Variants in LARGE1 observed in about 807,000 individuals in gnomAD.
The protein encoded by LARGE1 is xylosyl- and glucuronyltransferase LARGE1.
In LARGE1, 43 loss-of-function variants were observed where a neutral mutation model predicts 87.6. That is an observed-to-expected ratio of 0.49 (90% CI 0.38 to 0.63). LARGE1 has a LOEUF of 0.63. Ranked by LOEUF, LARGE1 falls within the 30% of genes least tolerant of loss-of-function variation. The pLI is 0.00. For missense variants in LARGE1, 802 were observed against 1,000.2 expected, an observed-to-expected ratio of 0.80 and a Z score of 2.67; for synonymous variants, 434 against 394.6, an observed-to-expected ratio of 1.10 and a Z score of -1.18.
At chr22:33,434,375 AC>A (rs1445152490) in intron 6 of LARGE1, among the ~76,000 whole-genome samples, 3 of 152,302 alleles carry the variant, frequency 2.0e-5, no homozygotes, top group South Asian at 2.1e-4. Context: ...ATCTGGGCTC[AC>A]TGCAACCTCC....
upstream of LARGE1, among the ~76,000 whole-genome samples, chr22:33,920,592 A>G (rs1183640005): frequency 7.0e-6 from 1 of 143,776 alleles, no homozygotes; most frequent in Non-Finnish European, 1.5e-5. Flanking sequence ...AGCGCCGGAA[A>G]AGGCCTCGCC....
At chr22:33,437,477 T>C (rs1390559292) in intron 6 of LARGE1, among the ~76,000 whole-genome samples, 1 of 152,220 alleles carries the variant, frequency 6.6e-6, no homozygotes, top group Non-Finnish European at 1.5e-5. Context: ...ATTTTTTTTT[T>C]CCTCTAAGCA....
chr22:33,242,437 T>A (rs1926566256), intron 11 of LARGE1, among the ~76,000 whole-genome samples: 1 of 152,234 alleles, frequency 6.6e-6, no homozygotes, highest in Non-Finnish European at 1.5e-5. Context: ...TATTGCTAGA[T>A]AGACTGAGAA....
At chr22:33,474,459 G>A (rs959882538) in intron 6 of LARGE1, among the ~76,000 whole-genome samples, 1 of 152,154 alleles carries the variant, frequency 6.6e-6, no homozygotes, top group African/African-American at 2.4e-5. Context: ...CACTGTGCCC[G>A]GCCTAGTCTG....
intron 9 of LARGE1, among the ~76,000 whole-genome samples, chr22:33,354,177 T>C (rs576556371): frequency 2.0e-5 from 3 of 152,314 alleles, no homozygotes; most frequent in South Asian, 2.1e-4. Context: ...AAAGTAAATA[T>C]TGTGCTTTCA....
At chr22:33,779,872 A>G (rs952057359) in intron 1 of LARGE1, among the ~76,000 whole-genome samples, 4 of 152,188 alleles carry the variant, frequency 2.6e-5, no homozygotes, top group African/African-American at 9.7e-5. Context: ...TCCTAATTCT[A>G]CTTTCATGGT....
chr22:33,241,053 G>T (rs1926486996), intron 11 of LARGE1, among the ~76,000 whole-genome samples: 1 of 152,116 alleles, frequency 6.6e-6, no homozygotes, highest in Admixed American at 6.6e-5. Flanking sequence ...TGGTATCAAG[G>T]CACTCCCATT....
the LARGE1 span, among the ~76,000 whole-genome samples, chr22:33,111,546 G>A: frequency 6.6e-6 from 1 of 152,154 alleles, no homozygotes; most frequent in East Asian, 1.9e-4. Flanking sequence ...CTAGCTGATT[G>A]GATTAATTTC....
At chr22:33,853,959 A>G (rs1014775237) in intron 1 of LARGE1, among the ~76,000 whole-genome samples, 2 of 152,150 alleles carry the variant, frequency 1.3e-5, no homozygotes, top group African/African-American at 4.8e-5. Context: ...TGCTCTCAGC[A>G]GGTCCCAACT....
At chr22:33,699,383 G>C (rs189267570) in intron 2 of LARGE1, among the ~76,000 whole-genome samples, 8 of 152,298 alleles carry the variant, frequency 5.3e-5, no homozygotes, top group Non-Finnish European at 7.3e-5. Context: ...ATGGTTGTGG[G>C]AAGAGGCAGG....
chr22:33,335,094 TG>T (rs1356737838), intron 10 of LARGE1, among the ~76,000 whole-genome samples: 16 of 152,336 alleles, frequency 1.1e-4, no homozygotes, highest in African/African-American at 3.4e-4. Context: ...AGGCTTTTTA[TG>T]GGAGCCTTCT....
intron 1 of LARGE1, among the ~76,000 whole-genome samples, chr22:33,869,816 C>G (rs2064221143): frequency 6.6e-6 from 1 of 152,152 alleles, no homozygotes; most frequent in African/African-American, 2.4e-5. Context: ...AATAGAAATT[C>G]AAAGATGTTC....
intron 1 of LARGE1, among the ~76,000 whole-genome samples, chr22:33,851,382 C>A (rs2063578728): frequency 6.6e-6 from 1 of 152,232 alleles, no homozygotes; most frequent in African/African-American, 2.4e-5. Flanking sequence ...CTTCGAGGCA[C>A]ACTTACCCAA....
intron 1 of LARGE1, among the ~76,000 whole-genome samples, chr22:33,854,266 G>C (rs1360436136): frequency 7.6e-6 from 1 of 131,160 alleles, no homozygotes; most frequent in Non-Finnish European, 1.6e-5. Flanking sequence ...GGCATGAAGA[G>C]AAGCCATGAC....
intron 2 of LARGE1, among the ~76,000 whole-genome samples, chr22:33,692,562 T>C (rs1208260191): frequency 2.6e-5 from 4 of 152,216 alleles, no homozygotes; most frequent in South Asian, 4.1e-4. Context: ...CTGCCTGCCT[T>C]GGCCTCCCAA....
chr22:33,786,550 C>T (rs572455629), intron 1 of LARGE1, among the ~76,000 whole-genome samples: 10 of 152,210 alleles, frequency 6.6e-5, no homozygotes, highest in Non-Finnish European at 1.5e-4. Context: ...GGTTGGGGAC[C>T]TCTCTCTCTC....
At chr22:33,131,336 TTGAC>T in the LARGE1 span, among the ~76,000 whole-genome samples, 2 of 152,144 alleles carry the variant, frequency 1.3e-5, no homozygotes, top group African/African-American at 4.8e-5. Flanking sequence ...GATTCTGTGT[TTGAC>T]TGTTTTTCCT....
At chr22:33,386,364 T>C (rs1214541533) in intron 7 of LARGE1, among the ~76,000 whole-genome samples, 1 of 148,900 alleles carries the variant, frequency 6.7e-6, no homozygotes, top group East Asian at 1.9e-4. Flanking sequence ...GCCCCAGCAA[T>C]GTCACTTTGG....
At chr22:33,835,922 G>T (rs985778209) in intron 1 of LARGE1, among the ~76,000 whole-genome samples, 1 of 152,146 alleles carries the variant, frequency 6.6e-6, no homozygotes, top group African/African-American at 2.4e-5. Flanking sequence ...CCTCCCAACT[G>T]TATTAGCTCC....
Sources: allele counts gnomAD v4.1 joint callset (sites outside exome capture counted in the v4.1 genomes callset), GRCh38; gene constraint gnomAD v4.1.1; transcripts MANE v1.5; gene names NCBI Gene and HGNC (gene_info 2026-07-23, HGNC 2026-07-21).